The following TMC1 variants were observed in gnomAD, a reference collection of about 807,000 sequenced individuals.
TMC1 encodes the protein transmembrane channel like 1.
Under a neutral mutation model 105.8 loss-of-function variants are expected in TMC1, and 84 were observed. That is an observed-to-expected ratio of 0.79 (90% CI 0.67 to 0.95). The LOEUF (loss-of-function observed/expected upper bound fraction) is 0.95, where lower values mean the gene tolerates loss of function less well. TMC1 is among the 40% of genes least tolerant of loss of function. TMC1 has a pLI of 0.00. For missense variants in TMC1, 817 were observed against 914.1 expected (o/e 0.89, Z 1.37); for synonymous variants, 315 against 311.5 (o/e 1.01, Z -0.12).
chr9:72,724,152 T>C (rs1195517994), intron 8 of TMC1, among the ~76,000 whole-genome samples: 1 of 152,188 alleles, frequency 6.6e-6, no homozygotes, highest in Non-Finnish European at 1.5e-5. Flanking sequence ...TAAAGAACCT[T>C]GTTTTAGTTT....
chr9:72,586,793 C>A, intron 2 of TMC1, among the ~76,000 whole-genome samples: 1 of 152,320 alleles, frequency 6.6e-6, no homozygotes, highest in East Asian at 1.9e-4. Flanking sequence ...CCTGCTCTCA[C>A]AATCTTCTTG....
At chr9:72,593,850 G>A (rs971023504) in intron 2 of TMC1, among the ~76,000 whole-genome samples, 9 of 152,144 alleles carry the variant, frequency 5.9e-5, no homozygotes, top group East Asian at 1.9e-4. Context: ...TTGCAGCCTC[G>A]TTGGTGGCAA....
At chr9:72,690,948 A>G (rs914135064) in intron 6 of TMC1, among the ~76,000 whole-genome samples, 2 of 152,156 alleles carry the variant, frequency 1.3e-5, no homozygotes, top group South Asian at 2.1e-4. Context: ...CAGAACTCCC[A>G]TAGTGTATAT....
At chr9:72,533,826 T>A (rs991123827) in intron 1 of TMC1, among the ~76,000 whole-genome samples, 1 of 152,178 alleles carries the variant, frequency 6.6e-6, no homozygotes, top group African/African-American at 2.4e-5. Flanking sequence ...ACTTTTCATA[T>A]ACAAATTTTA....
chr9:72,578,824 A>G (rs1051604315), intron 2 of TMC1, among the ~76,000 whole-genome samples: 2 of 152,224 alleles, frequency 1.3e-5, no homozygotes, highest in Non-Finnish European at 2.9e-5. Flanking sequence ...ATTCTGAGAA[A>G]CACACTGTAG....
intron 5 of TMC1, among the ~76,000 whole-genome samples, chr9:72,680,529 G>GA (rs1359269163): frequency 6.6e-6 from 1 of 151,978 alleles, no homozygotes; most frequent in East Asian, 1.9e-4. Flanking sequence ...TATTTTTATA[G>GA]AAAAAATGAA....
At chr9:72,752,073 G>T (rs961947747) in intron 11 of TMC1, 117 bp downstream of exon 11, 1 of 788,920 alleles carries the variant, frequency 1.3e-6, no homozygotes, top group African/African-American at 1.7e-5. Context: ...TAGAGTCATA[G>T]GATTTGTAAT....
intron 8 of TMC1, among the ~76,000 whole-genome samples, chr9:72,729,622 C>T (rs1827175297): frequency 6.6e-6 from 1 of 152,050 alleles, no homozygotes; most frequent in Non-Finnish European, 1.5e-5. Flanking sequence ...GGCCAACATG[C>T]TAAATTTAAG....
intron 23 of TMC1, among the ~76,000 whole-genome samples, chr9:72,831,773 T>A (rs910651490): frequency 6.6e-6 from 1 of 152,090 alleles, no homozygotes; most frequent in African/African-American, 2.4e-5. Context: ...GAACTCATCA[T>A]TTTTTATGGC....
intron 1 of TMC1, among the ~76,000 whole-genome samples, chr9:72,575,726 G>A (rs1824368175): frequency 6.6e-6 from 1 of 152,152 alleles, no homozygotes; most frequent in Admixed American, 6.5e-5. Context: ...AGCAGCTTTT[G>A]GGGTGGCCCT....
intron 12 of TMC1, among the ~76,000 whole-genome samples, chr9:72,771,303 G>A (rs1431710488): frequency 6.6e-6 from 1 of 152,090 alleles, no homozygotes; most frequent in Non-Finnish European, 1.5e-5. Context: ...GATCTCTGTT[G>A]GCCTCTGATT....
chr9:72,733,010 C>T (rs1827239779), intron 8 of TMC1, among the ~76,000 whole-genome samples: 1 of 152,146 alleles, frequency 6.6e-6, no homozygotes, highest in Non-Finnish European at 1.5e-5. Context: ...CCAAATCACA[C>T]ACCTGGTGTG....
In TMC1 at chr9:72,816,143, C is replaced by T; in HGVS notation, c.1696C>T (p.Pro566Ser). The change falls in exon 19 of 24, where the codon CCT becomes TCT. Residue 566 changes from proline to serine, a missense_variant and splice_region_variant. Pro to Ser is a moderately conservative substitution (Grantham distance 74). Transcript: ENST00000297784. ...CWCWDLEYGY[P>S]SYTEFDISGN... ...CCAATGAACATTGTGTCTCCTCTAG[C>T]CTTCATACACCGAATTCGACATCAG... 1 of 1,613,276 alleles carries T rather than the reference C, an allele frequency of 6.2e-7. No homozygotes were observed. Among genetic ancestry groups the T allele is most frequent in the Non-Finnish European group, 8.5e-7 (1 of 1,179,324 alleles).
intron 5 of TMC1, among the ~76,000 whole-genome samples, chr9:72,687,940 CA>C (rs1241987708): frequency 6.6e-6 from 1 of 151,688 alleles, no homozygotes; most frequent in Non-Finnish European, 1.5e-5. Context: ...ATTAAGTTGA[CA>C]AAAGAAAAAA....
At chr9:72,646,485 T>TA (rs1324765574) in intron 4 of TMC1, among the ~76,000 whole-genome samples, 9 of 152,194 alleles carry the variant, frequency 5.9e-5, no homozygotes, top group Non-Finnish European at 1.3e-4. Flanking sequence ...CCCGTACCTG[T>TA]AGTGGTCTTG....
intron 23 of TMC1, 56 bp downstream of exon 23, chr9:72,830,738 C>CTTTTTTTTTTTTTTTTTT (rs71495342): frequency 5.1e-5 from 58 of 1,148,016 alleles, no homozygotes; most frequent in African/African-American, 1.2e-4. Flanking sequence ...CTTTTTCTTT[C>CTTTTTTTTTTTTTTTTTT]TTTTTTTTTT....
At chr9:72,603,784 G>T (rs190698275) in intron 2 of TMC1, among the ~76,000 whole-genome samples, 153 of 149,428 alleles carry the variant, frequency 1.0e-3, no homozygotes, top group African/African-American at 3.6e-3. Context: ...TCCTGACCTC[G>T]TGATCCACCT....
chr9:72,778,924 C>T (rs149442322), intron 13 of TMC1, among the ~76,000 whole-genome samples: 4 of 152,214 alleles, frequency 2.6e-5, no homozygotes, highest in Admixed American at 1.3e-4. Context: ...CAGCCTCCCC[C>T]CTCTGCTTTG....
intron 9 of TMC1, among the ~76,000 whole-genome samples, chr9:72,740,873 A>G (rs935515776): frequency 2.0e-5 from 3 of 152,208 alleles, no homozygotes; most frequent in African/African-American, 7.2e-5. Flanking sequence ...ACTCACATAC[A>G]ATAGATTAAT....
Sources: allele counts gnomAD v4.1 joint callset (sites outside exome capture counted in the v4.1 genomes callset), GRCh38; gene constraint gnomAD v4.1.1; transcripts MANE v1.5; gene names NCBI Gene and HGNC (gene_info 2026-07-23, HGNC 2026-07-21).